Variants in RUNX2 observed in about 807,000 individuals in gnomAD.
RUNX2 encodes runt-related transcription factor 2.
Under a neutral mutation model 51.7 loss-of-function variants are expected in RUNX2, and 10 were observed. That is an observed-to-expected ratio of 0.19 (90% CI 0.12 to 0.33). The LOEUF is 0.33. Ranked by LOEUF, RUNX2 falls within the 10% of genes least tolerant of loss-of-function variation. The pLI is 1.00. For missense variants in RUNX2, 562 were observed against 691.3 expected (o/e 0.81, Z 2.10); for synonymous variants, 276 against 273.6 (o/e 1.01, Z -0.09).
At chr6:45,357,399 T>C (rs575085222) in intron 2 of RUNX2, among the ~76,000 whole-genome samples, 1 of 152,200 alleles carries the variant, frequency 6.6e-6, no homozygotes, top group South Asian at 2.1e-4. Context: ...GGCAGGATCA[T>C]GGTTCACTGC....
intron 5 of RUNX2, among the ~76,000 whole-genome samples, chr6:45,439,198 T>C (rs1456092611): frequency 6.6e-6 from 1 of 152,202 alleles, no homozygotes; most frequent in Non-Finnish European, 1.5e-5. Flanking sequence ...GTTTCCTGCC[T>C]CAAAAGCAAG....
At chr6:45,463,915 C>T (rs115504581) in intron 5 of RUNX2, among the ~76,000 whole-genome samples, 2,167 of 152,212 alleles carry the variant, frequency 0.014, 30 homozygotes, top group Non-Finnish European at 0.023. Flanking sequence ...CAACATCAGC[C>T]GGGCACGGTG....
chr6:45,488,577 C>T (rs1014838393), intron 5 of RUNX2, among the ~76,000 whole-genome samples: 3 of 152,124 alleles, frequency 2.0e-5, no homozygotes, highest in Non-Finnish European at 2.9e-5. Context: ...GTGGTGAAAT[C>T]TTGAATAAAA....
intron 2 of RUNX2, among the ~76,000 whole-genome samples, chr6:45,353,891 G>A (rs975870330): frequency 6.0e-5 from 9 of 151,202 alleles, no homozygotes; most frequent in African/African-American, 2.2e-4. Context: ...AGTGCCTTTA[G>A]TATATCAAAG....
At chr6:45,524,514 A>G (rs184243987) in intron 7 of RUNX2, among the ~76,000 whole-genome samples, 114 of 152,344 alleles carry the variant, frequency 7.5e-4, no homozygotes, top group African/African-American at 2.5e-3. Context: ...AATTAGTAAC[A>G]ATGCTATAGT....
intron 5 of RUNX2, among the ~76,000 whole-genome samples, chr6:45,470,838 G>A (rs1799779378): frequency 6.6e-6 from 1 of 152,144 alleles, no homozygotes; most frequent in African/African-American, 2.4e-5. Flanking sequence ...GTTAGCTCAA[G>A]ACTCTGGCGA....
chr6:45,336,327 T>G (rs1788545579), intron 2 of RUNX2, among the ~76,000 whole-genome samples: 1 of 151,412 alleles, frequency 6.6e-6, no homozygotes, highest in Non-Finnish European at 1.5e-5. Flanking sequence ...ATAACACGCA[T>G]AAGCATATTG....
intron 5 of RUNX2, among the ~76,000 whole-genome samples, chr6:45,487,784 G>A (rs1800328726): frequency 6.6e-6 from 1 of 152,188 alleles, no homozygotes; most frequent in Non-Finnish European, 1.5e-5. Flanking sequence ...TAGGTTGTGA[G>A]ATTATAGCTG....
chr6:45,535,633 T>C (rs968466130), intron 7 of RUNX2, among the ~76,000 whole-genome samples: 3 of 150,646 alleles, frequency 2.0e-5, no homozygotes, highest in East Asian at 3.9e-4. Context: ...AAAAGAAAGA[T>C]ACAAATGAAG....
chr6:45,418,527 T>G (rs952474292), intron 2 of RUNX2, among the ~76,000 whole-genome samples: 1 of 152,210 alleles, frequency 6.6e-6, no homozygotes, highest in African/African-American at 2.4e-5. Context: ...GTAGAAAATC[T>G]AAACCCAAAG....
intron 5 of RUNX2, among the ~76,000 whole-genome samples, chr6:45,479,935 C>G (rs1800063249): frequency 6.6e-6 from 1 of 152,170 alleles, no homozygotes. Flanking sequence ...CTTGATCCTA[C>G]TCAAAATACT....
chr6:45,347,766 T>TTA (rs1554356010), intron 2 of RUNX2, among the ~76,000 whole-genome samples: 14 of 148,642 alleles, frequency 9.4e-5, no homozygotes, highest in Non-Finnish European at 1.5e-4. Flanking sequence ...TTCTTTTTTT[T>TTA]AAAAAAAAAA....
At chr6:45,434,444 CTT>C (rs139835282) in intron 4 of RUNX2, among the ~76,000 whole-genome samples, 2 of 149,756 alleles carry the variant, frequency 1.3e-5, no homozygotes, top group African/African-American at 4.9e-5. Context: ...AAATATTGCA[CTT>C]TTTTTTTTCT....
chr6:45,467,426 C>T (rs535340797), intron 5 of RUNX2, among the ~76,000 whole-genome samples: 4 of 152,082 alleles, frequency 2.6e-5, no homozygotes, highest in Admixed American at 6.6e-5. Flanking sequence ...GGACTACAGA[C>T]GCACACCACC....
chr6:45,486,298 G>C (rs1800281206), intron 5 of RUNX2, among the ~76,000 whole-genome samples: 1 of 152,002 alleles, frequency 6.6e-6, no homozygotes, highest in Non-Finnish European at 1.5e-5. Context: ...ACTCCTTGAG[G>C]GCAAGGATAT....
At chr6:45,529,549 T>A (rs1203195643) in intron 7 of RUNX2, among the ~76,000 whole-genome samples, 1 of 151,952 alleles carries the variant, frequency 6.6e-6, no homozygotes, top group Non-Finnish European at 1.5e-5. Flanking sequence ...AAACTAGGTT[T>A]GACAGCCCAT....
chr6:45,492,185 T>G (rs955423951), intron 6 of RUNX2, 71 bp downstream of exon 6: 1 of 1,473,866 alleles, frequency 6.8e-7, no homozygotes, highest in African/African-American at 1.4e-5. Flanking sequence ...CCAGAGGAGA[T>G]GTGTTCACTT....
chr6:45,441,491 G>T (rs1228869706), intron 5 of RUNX2, among the ~76,000 whole-genome samples: 1 of 152,176 alleles, frequency 6.6e-6, no homozygotes, highest in African/African-American at 2.4e-5. Flanking sequence ...GTTAAATATT[G>T]TAATGTATGT....
intron 5 of RUNX2, among the ~76,000 whole-genome samples, chr6:45,472,349 C>CAA (rs930598856): frequency 3.9e-5 from 6 of 152,144 alleles, no homozygotes; most frequent in African/African-American, 1.4e-4. Context: ...GGAACAAAGG[C>CAA]AAAGTTTCAG....
Sources: gnomAD v4.1 joint callset for allele counts (sites outside exome capture counted in the v4.1 genomes callset) on GRCh38, gnomAD v4.1.1 for gene constraint, MANE v1.5 for transcripts, NCBI Gene and HGNC (gene_info 2026-07-23, HGNC 2026-07-21) for gene names.